ACACA: variants seen among roughly 807,000 people sequenced by gnomAD.
ACACA encodes acetyl-CoA carboxylase alpha.
ACACA carries 103 observed loss-of-function variants against 296.1 expected under a neutral mutation model. That is an observed-to-expected ratio of 0.35 (90% confidence interval 0.30 to 0.41). The LOEUF is 0.41. Ranked by LOEUF, ACACA falls within the 10% of genes least tolerant of loss-of-function variation. The probability of loss-of-function intolerance (pLI) is 1.00; values close to 1 mark genes in which losing one functional copy is unlikely to be tolerated. For missense variants in ACACA, 1,554 were observed against 2,989.7 expected (o/e 0.52, Z 11.20); for synonymous variants, 953 against 1,038.6 (o/e 0.92, Z 1.58).
At chr17:37,123,842 T>C (rs1160367172) in intron 48 of ACACA, among the ~76,000 whole-genome samples, 2 of 152,250 alleles carry the variant, frequency 1.3e-5, no homozygotes, top group Admixed American at 1.3e-4. Flanking sequence ...CGGTAACTTA[T>C]AACTTATATA....
chr17:37,331,367 CA>C (rs1307959332), intron 2 of ACACA, among the ~76,000 whole-genome samples: 1 of 151,286 alleles, frequency 6.6e-6, no homozygotes, highest in African/African-American at 2.4e-5. Context: ...CTCAGCCTCC[CA>C]AAGTGCTGGG....
intron 3 of ACACA, among the ~76,000 whole-genome samples, chr17:37,294,405 A>C (rs1026666535): frequency 1.3e-5 from 2 of 152,232 alleles, no homozygotes; most frequent in African/African-American, 4.8e-5. Context: ...TTTATAAGCC[A>C]ATTTGGTAGA....
At chr17:37,227,984 A>C (rs2079628541) in intron 25 of ACACA, among the ~76,000 whole-genome samples, 7 of 152,102 alleles carry the variant, frequency 4.6e-5, no homozygotes, top group Admixed American at 4.6e-4. Context: ...GCTGCATGTT[A>C]ATCTCCCCAC....
chr17:37,314,400 C>T (rs1419605973), intron 3 of ACACA, among the ~76,000 whole-genome samples: 1 of 152,034 alleles, frequency 6.6e-6, no homozygotes, highest in Non-Finnish European at 1.5e-5. Context: ...CGCCCGACCA[C>T]TCTACTATAT....
At position 37,128,023 on chromosome 17, in the gene ACACA, T is replaced by TAAAAAAAAAAAA. The variant is rs2074890198; in HGVS notation, c.5944+1341_5944+1342insTTTTTTTTTTTT. 4.9e-4 allele frequency among the ~76,000 whole-genome samples: 11 copies of TAAAAAAAAAAAA among 22,556 alleles called. 1 individual carries two copies. Among genetic ancestry groups the TAAAAAAAAAAAA allele is most frequent in the South Asian group, 2.8e-3 (2 of 710 alleles). 14.8% of individuals were successfully genotyped at this position (22,556 alleles called of 152,430 possible). ...TGGAGGACAAGAGTGAAACTCCATC[T>TAAAAAAAAAAAA]CAAAAAAAAAAAAAAAAAAAAAAAA... On this transcript the variant is annotated intron_variant, in intron 47 of 55. Coordinates refer to ENST00000616317, the MANE Select transcript of ACACA (RefSeq NM_198834.3).
At chr17:37,169,910 G>A (rs987932649) in intron 41 of ACACA, among the ~76,000 whole-genome samples, 1 of 152,136 alleles carries the variant, frequency 6.6e-6, no homozygotes, top group Non-Finnish European at 1.5e-5. Context: ...TAGCCCGCAT[G>A]TAAGTGGGTG....
intron 1 of ACACA, among the ~76,000 whole-genome samples, chr17:37,390,330 A>ATATATATATATATATATATCTATATATC (rs1386032855): frequency 2.6e-4 from 11 of 41,578 alleles, no homozygotes; most frequent in Non-Finnish European, 4.1e-4. Context: ...ATATATATAT[A>ATATATATATATATATATATCTATATATC]TATAAAAGGC....
chr17:37,367,795 C>T (rs1312361756), intron 1 of ACACA: 1 of 152,132 alleles, frequency 6.6e-6, no homozygotes, highest in Non-Finnish European at 1.5e-5. Flanking sequence ...TTGCTGGGCA[C>T]AGTGGTTTAT....
chr17:37,141,606 C>G (rs754714192), intron 45 of ACACA, among the ~76,000 whole-genome samples: 14 of 152,106 alleles, frequency 9.2e-5, no homozygotes, highest in Non-Finnish European at 1.3e-4. Context: ...CCTTCCATTT[C>G]ACAAAGAGGA....
In ACACA at chr17:37,224,984, A is replaced by ATG. The variant is rs1475005837; in HGVS notation, c.3474+7_3474+8insCA. 7.5e-7 allele frequency: 1 copy of ATG among 1,325,232 alleles called. No homozygotes were observed. The highest frequency in any genetic ancestry group is 2.3e-5 in the East Asian group (1 of 42,584). 82.1% of individuals were successfully genotyped at this position (1,325,232 alleles called of 1,614,324 possible). On this transcript the variant is annotated splice_region_variant and intron_variant, in intron 27 of 55. Transcript: ENST00000616317. Reference sequence around the variant, plus strand: ...GAAAGGGTTATATATATATATATATATATATACCTGCAGGTTCTCAATGCA... The same window carrying ATG: ...GAAAGGGTTATATATATATATATATATGTATATACCTGCAGGTTCTCAATGCA...
chr17:37,233,448 T>C, intron 25 of ACACA, among the ~76,000 whole-genome samples: 1 of 152,212 alleles, frequency 6.6e-6, no homozygotes, highest in Non-Finnish European at 1.5e-5. Context: ...GGACAATCAT[T>C]ACTCTTCCGC....
At position 37,406,465 on chromosome 17, in the gene ACACA, T is replaced by C; in HGVS notation, c.-166A>G. 3 of 699,570 alleles carry C rather than the reference T, an allele frequency of 4.3e-6. No homozygotes were observed. Among genetic ancestry groups the C allele is most frequent in the South Asian group, 3.1e-5 (2 of 64,348 alleles). 43.3% of individuals were successfully genotyped at this position (699,570 alleles called of 1,614,324 possible). On this transcript the variant is annotated 5_prime_UTR_variant, in exon 1 of 56. Transcript: ENST00000616317. ...ACGAGCAGCCCTTCGGGGCCCGGAC[T>C]GGAGAGGCGCCACGGCTCGCCGTCC...
chr17:37,206,930 C>T (rs747971977), intron 31 of ACACA, 51 bp from the exon 32 acceptor site: 1 of 1,427,218 alleles, frequency 7.0e-7, no homozygotes, highest in South Asian at 1.1e-5. Flanking sequence ...TGGCATGAAA[C>T]TAACACTGCC....
At chr17:37,377,277 G>A (rs1401467284) in intron 1 of ACACA, among the ~76,000 whole-genome samples, 1 of 152,100 alleles carries the variant, frequency 6.6e-6, no homozygotes, top group Non-Finnish European at 1.5e-5. Flanking sequence ...AACTCTATTT[G>A]ACCTTTCTTT....
intron 49 of ACACA, 61 bp downstream of exon 49, chr17:37,122,470 C>T: frequency 1.5e-6 from 2 of 1,311,960 alleles, no homozygotes; most frequent in Non-Finnish European, 2.2e-6. Context: ...GATGTATTCA[C>T]AGGCACTGCG....
At chr17:37,135,440 C>A (rs995480655) in intron 45 of ACACA, among the ~76,000 whole-genome samples, 1 of 152,100 alleles carries the variant, frequency 6.6e-6, no homozygotes, top group African/African-American at 2.4e-5. Context: ...GAGAGAAAAG[C>A]CTCTGACATG....
At chr17:37,368,762 A>C (rs2049698316) in intron 1 of ACACA, 1 of 152,142 alleles carries the variant, frequency 6.6e-6, no homozygotes, top group Non-Finnish European at 1.5e-5. Context: ...GGCACGTGTG[A>C]GTATGCCTGG....
chr17:37,216,740 T>C (rs2079016615), intron 29 of ACACA, among the ~76,000 whole-genome samples: 1 of 151,902 alleles, frequency 6.6e-6, no homozygotes, highest in Non-Finnish European at 1.5e-5. Flanking sequence ...TCATTTGCAA[T>C]ATATTTTGCC....
intron 41 of ACACA, among the ~76,000 whole-genome samples, chr17:37,173,983 TA>T (rs1232697341): frequency 6.4e-4 from 5 of 7,768 alleles, no homozygotes; most frequent in East Asian, 1.6e-3. Flanking sequence ...CTGGCTAATT[TA>T]TATATATATA....
Sources: allele counts gnomAD v4.1 joint callset (sites outside exome capture counted in the v4.1 genomes callset), GRCh38; gene constraint gnomAD v4.1.1; transcripts MANE v1.5; gene names NCBI Gene and HGNC (gene_info 2026-07-23, HGNC 2026-07-21).